COL4A2: variants seen among roughly 807,000 people sequenced by gnomAD.
The protein encoded by COL4A2 is collagen alpha-2(IV) chain.
A neutral mutation model predicts 200.2 loss-of-function variants in COL4A2; 99 were observed. The observed-to-expected ratio is 0.49, with a 90% CI of 0.42 to 0.58. The LOEUF (loss-of-function observed/expected upper bound fraction) is 0.58, where lower values mean the gene tolerates loss of function less well. COL4A2 is among the 20% of genes least tolerant of loss of function. The pLI is 0.00. For synonymous variants in COL4A2, 897 were observed against 900.6 expected (o/e 1.00, Z 0.07); for missense variants, 1,950 against 2,314.1 (o/e 0.84, Z 3.23).
At chr13:110,493,661 C>A (rs1177392162) in intron 39 of COL4A2, among the ~76,000 whole-genome samples, 1 of 152,124 alleles carries the variant, frequency 6.6e-6, no homozygotes, top group Non-Finnish European at 1.5e-5. Context: ...ATTTTGTTGG[C>A]CTAAGGAAGC....
chr13:110,442,420 C>T (rs1284200683), intron 16 of COL4A2, among the ~76,000 whole-genome samples: 5 of 152,232 alleles, frequency 3.3e-5, no homozygotes, highest in African/African-American at 1.2e-4. Flanking sequence ...CTATGTCCGC[C>T]CTCTGCCATC....
chr13:110,440,297 T>C lies in COL4A2; in HGVS notation c.957+464T>C, dbSNP rs530071125. ...GCTTTTTTTTAGGAGAAAAATGTTA[T>C]GTAAGAAATGTATTATGGGCCAGGT... is the stretch of plus-strand genomic sequence containing the variant. On this transcript the variant is annotated intron_variant, in intron 16 of 47. Transcript: ENST00000360467. 2.6e-5 allele frequency among the ~76,000 whole-genome samples: 4 copies of C among 152,264 alleles called. No individual in the cohort carries two copies. The East Asian group carries it at 7.7e-4, about 29-fold the overall frequency.
At chr13:110,478,495 G>A (rs1237392978) in intron 30 of COL4A2, among the ~76,000 whole-genome samples, 1 of 152,246 alleles carries the variant, frequency 6.6e-6, no homozygotes, top group Admixed American at 6.5e-5. Context: ...GCAGGGTGTG[G>A]GTTGGAAAGG....
intron 4 of COL4A2, among the ~76,000 whole-genome samples, chr13:110,383,606 C>CTTTTT (rs67906394): frequency 3.2e-4 from 21 of 65,350 alleles, no homozygotes; most frequent in Admixed American, 5.7e-4. Context: ...CAGCCCTTTT[C>CTTTTT]TTTTTTTTTT....
chr13:110,449,638 C>A (rs1262511674), intron 18 of COL4A2, 41 bp from the exon 19 acceptor site: 2 of 1,507,606 alleles, frequency 1.3e-6, no homozygotes, highest in Admixed American at 4.9e-5. Context: ...GATCCGTAGA[C>A]CACGGTCTTG....
chr13:110,358,156 A>G (rs1472058837), intron 4 of COL4A2, among the ~76,000 whole-genome samples: 1 of 151,972 alleles, frequency 6.6e-6, no homozygotes, highest in Non-Finnish European at 1.5e-5. Context: ...GTACAAACAT[A>G]TTTTCTTTTT....
chr13:110,357,466 T>A lies in COL4A2; in HGVS notation c.100-6T>A. The A allele has an allele frequency of 6.3e-7, 1 of 1,583,800 alleles. No homozygotes were observed. The highest frequency in any genetic ancestry group is 8.6e-7 in the Non-Finnish European group (1 of 1,162,264). ...CTTTTCTTTGCCTTGTGTTTTATTG[T>A]TGCAGGGTGTGAAGAAGTTTGATGT... On this transcript the variant is annotated splice_region_variant and splice_polypyrimidine_tract_variant and intron_variant, in intron 3 of 47. Coordinates refer to ENST00000360467, the MANE Select transcript of COL4A2 (RefSeq NM_001846.4).
intron 4 of COL4A2, among the ~76,000 whole-genome samples, chr13:110,383,858 C>A (rs1020673211): frequency 6.6e-6 from 1 of 152,062 alleles, no homozygotes; most frequent in Non-Finnish European, 1.5e-5. Flanking sequence ...GCTATCTGAC[C>A]ACCTCGGCCT....
intron 6 of COL4A2, among the ~76,000 whole-genome samples, chr13:110,425,285 G>C (rs1880430299): frequency 6.6e-6 from 1 of 152,146 alleles, no homozygotes; most frequent in Non-Finnish European, 1.5e-5. Context: ...TCGCCCTAAA[G>C]AGCCAGTCTT....
intron 8 of COL4A2, 75 bp from the exon 9 acceptor site, chr13:110,430,326 A>G: frequency 6.3e-7 from 1 of 1,576,768 alleles, no homozygotes; most frequent in South Asian, 1.2e-5. Context: ...CTTATTTCCA[A>G]CTCTGCAATA....
At chr13:110,308,237 A>T (rs1017916068) in intron 3 of COL4A2, 114 bp downstream of exon 3, 22 of 1,203,760 alleles carry the variant, frequency 1.8e-5, no homozygotes, top group Non-Finnish European at 2.6e-5. Flanking sequence ...GTGCGTGTGG[A>T]TGTTCGCCAG....
intron 3 of COL4A2, among the ~76,000 whole-genome samples, chr13:110,332,962 A>G (rs1022216769): frequency 1.3e-5 from 2 of 152,224 alleles, no homozygotes; most frequent in Admixed American, 6.5e-5. Flanking sequence ...TGAGTCAGCA[A>G]GAAGTGGGTG....
At chr13:110,458,380 C>T in intron 21 of COL4A2, 1 of 314,850 alleles carries the variant, frequency 3.2e-6, no homozygotes, top group South Asian at 2.4e-5. Context: ...GGCTCTTGCC[C>T]TCCCTGACGG....
At chr13:110,329,227 C>T (rs1345222187) in intron 3 of COL4A2, among the ~76,000 whole-genome samples, 1 of 152,202 alleles carries the variant, frequency 6.6e-6, no homozygotes, top group Non-Finnish European at 1.5e-5. Flanking sequence ...CAAAGATACA[C>T]TAATTTTGAA....
At chr13:110,479,781 C>T (rs1882832276) in intron 30 of COL4A2, among the ~76,000 whole-genome samples, 2 of 152,166 alleles carry the variant, frequency 1.3e-5, no homozygotes, top group South Asian at 4.1e-4. Flanking sequence ...GCACGGAGAC[C>T]AGAGAGGGCA....
chr13:110,337,196 C>T (rs914049641), intron 3 of COL4A2, among the ~76,000 whole-genome samples: 9 of 152,194 alleles, frequency 5.9e-5, no homozygotes, highest in Non-Finnish European at 8.8e-5. Flanking sequence ...TCTGATTCCG[C>T]GGTTCTGGAA....
intron 22 of COL4A2, among the ~76,000 whole-genome samples, chr13:110,460,354 G>A (rs1336524770): frequency 6.6e-6 from 1 of 152,192 alleles, no homozygotes; most frequent in Non-Finnish European, 1.5e-5. Flanking sequence ...ACAAAAAATA[G>A]CAGGTGCTCA....
intron 34 of COL4A2, 152 bp downstream of exon 34, chr13:110,485,988 A>G: frequency 7.8e-7 from 1 of 1,274,398 alleles, no homozygotes; most frequent in Non-Finnish European, 1.1e-6. Context: ...ACAGCCCTGG[A>G]AGGAGCTGCT....
intron 3 of COL4A2, among the ~76,000 whole-genome samples, chr13:110,314,793 A>C (rs994651274): frequency 1.3e-5 from 2 of 152,168 alleles, no homozygotes; most frequent in African/African-American, 4.8e-5. Flanking sequence ...GCTGCACAGA[A>C]TGGGAGCCCC....
Sources: allele counts gnomAD v4.1 joint callset (sites outside exome capture counted in the v4.1 genomes callset), GRCh38; gene constraint gnomAD v4.1.1; transcripts MANE v1.5; gene names NCBI Gene and HGNC (gene_info 2026-07-23, HGNC 2026-07-21).